Variants in TXNDC5 observed in about 807,000 individuals in gnomAD.
The protein encoded by TXNDC5 is thioredoxin domain containing 5, also known as thioredoxin domain-containing protein 5.
TXNDC5 carries 44 observed loss-of-function variants against 52.6 expected under a neutral mutation model. That is an observed-to-expected ratio of 0.84 (90% CI 0.66 to 1.08). The LOEUF is 1.08. Among genes scored for constraint, TXNDC5 ranks in the 50% least tolerant of loss-of-function variants. TXNDC5 has a pLI of 0.00. For synonymous variants in TXNDC5, 241 were observed against 234.4 expected (o/e 1.03, Z -0.26); for missense variants, 600 against 565.5 (o/e 1.06, Z -0.62).
rs1759963731 is a variant in TXNDC5, at chr6:7,886,004, T to G, written c.1003A>C (p.Thr335Pro). Residue 335 changes from threonine (T) to proline (P), a missense_variant, in exon 8 of 10, where the codon ACC becomes CCC. Thr to Pro is a conservative substitution (Grantham distance 38). Transcript: ENST00000379757. Reference sequence around the variant, plus strand: ...ATGAAGGTTATTCCTTCTGCAATGGTGTCATCGAAGTTATTTTCAGTGAGT... The same window carrying G: ...ATGAAGGTTATTCCTTCTGCAATGGGGTCATCGAAGTTATTTTCAGTGAGT... ...LALTENNFDDTIAEGITFIKF... is the reference protein window; with the variant it reads ...LALTENNFDDPIAEGITFIKF... 2 of 1,614,054 alleles carry G rather than the reference T, an allele frequency of 1.2e-6. No homozygotes were observed. Among genetic ancestry groups the G allele is most frequent in the Non-Finnish European group, 1.7e-6 (2 of 1,180,042 alleles).
At chr6:7,889,634 G>C (rs1042522414) in intron 5 of TXNDC5, 53 bp from the exon 6 acceptor site, 5 of 1,370,858 alleles carry the variant, frequency 3.6e-6, no homozygotes, top group Non-Finnish European at 5.2e-6. Context: ...GAACCTTCTT[G>C]CTAATGGGGC....
At position 7,904,606 on chromosome 6, in the gene TXNDC5, C is replaced by T; in HGVS notation, c.381G>A (p.Val127=). 1 of 1,614,250 alleles carries T rather than the reference C, an allele frequency of 6.2e-7. No individual in the cohort carries two copies. ...ATCCTCGCACCCCCTGGGCGGAGCA[C>T]ACGTCGGAGTGGGCCGTGCAGTCCA... ...AKVDCTAHSD[V]CSAQGVRGYP... is the part of the protein sequence containing the mutation. The change falls in exon 2 of 10, where the codon GTG becomes GTA. Residue 127 remains valine, a synonymous_variant. Coordinates refer to ENST00000379757, the MANE Select transcript of TXNDC5 (RefSeq NM_030810.5).
intron 3 of TXNDC5, among the ~76,000 whole-genome samples, chr6:7,898,811 A>G (rs1760460765): frequency 6.6e-6 from 1 of 152,146 alleles, no homozygotes; most frequent in Non-Finnish European, 1.5e-5. Flanking sequence ...TCCAACATCA[A>G]CTGGGGAGGG....
chr6:7,881,763 TCAGA>T lies in TXNDC5; in HGVS notation c.*1377_*1380del, dbSNP rs1163753496. 6.6e-6 allele frequency: 1 copy of T among 152,218 alleles called. No individual in the cohort carries two copies. Among genetic ancestry groups the T allele is most frequent in the East Asian group, 1.9e-4 (1 of 5,206 alleles). The allele number at this position is 152,218 out of a possible 1,614,324, so 9.4% of individuals were successfully genotyped here. A position where few individuals can be genotyped will look rare whatever the true frequency, so the allele number is the denominator to read the frequency against. On this transcript the variant is annotated 3_prime_UTR_variant, in exon 10 of 10. Coordinates refer to ENST00000379757, the MANE Select transcript of TXNDC5 (RefSeq NM_030810.5). ...CGAGATGCTGCTGTTATCTTCTGCC[TCAGA>T]CAGACAGTATAAGTGGTCTTGTTTC...
chr6:7,905,036 C>G (rs112362714), intron 1 of TXNDC5, among the ~76,000 whole-genome samples: 1 of 152,204 alleles, frequency 6.6e-6, no homozygotes, highest in Non-Finnish European at 1.5e-5. Context: ...CCCTCCTTCC[C>G]TTGTGGCCTA....
chr6:7,891,603 A>G lies in TXNDC5; in HGVS notation c.732+18T>C. ...CCCAAAGCAGTCCATTTCCAGTTTA[A>G]TAAGGGCTTTCACTCACCTTGCCAA... is the stretch of plus-strand genomic sequence containing the variant. On this transcript the variant is annotated intron_variant, in intron 5 of 9. Transcript: ENST00000379757. The G allele has an allele frequency of 1.9e-6, 3 of 1,605,964 alleles. No individual in the cohort carries two copies. Among genetic ancestry groups the G allele is most frequent in the African/African-American group, 1.3e-5 (1 of 74,886 alleles).
At chr6:7,886,975 G>A (rs1338565845) in intron 7 of TXNDC5, among the ~76,000 whole-genome samples, 1 of 152,192 alleles carries the variant, frequency 6.6e-6, no homozygotes, top group African/African-American at 2.4e-5. Flanking sequence ...GTGCTGCGAT[G>A]AAAACATCCG....
chr6:7,904,534 G>A (rs1760672977), intron 2 of TXNDC5, 40 bp downstream of exon 2: 7 of 1,603,640 alleles, frequency 4.4e-6, no homozygotes, highest in African/African-American at 2.7e-5. Flanking sequence ...TTTGTAGCCA[G>A]GAGCCACCTA....
intron 1 of TXNDC5, among the ~76,000 whole-genome samples, chr6:7,908,281 CAAAAAA>C (rs57783770): frequency 3.2e-5 from 2 of 62,780 alleles, no homozygotes; most frequent in East Asian, 8.9e-4. Flanking sequence ...GACTCCATCT[CAAAAAA>C]AAAAAAAAAA....
At position 7,884,218 on chromosome 6, in the gene TXNDC5, CCAAA is replaced by C. The variant is rs140130818; in HGVS notation, c.1176+137_1176+140del. The C allele has an allele frequency of 4.3e-3, 5,021 of 1,171,756 alleles. 141 individuals carry two copies. In the African/African-American group the frequency reaches 0.064, roughly 15 times the overall value. 72.6% of individuals were successfully genotyped at this position (1,171,756 alleles called of 1,614,324 possible). A position where few individuals can be genotyped will look rare whatever the true frequency, so the allele number is the denominator to read the frequency against. On this transcript the variant is annotated intron_variant, in intron 9 of 9. Coordinates refer to ENST00000379757, the MANE Select transcript of TXNDC5 (RefSeq NM_030810.5). Reference sequence around the variant, plus strand: ...TTGAGAGAGGATCTCTTTTGCTTCTCCAAACAAACAACTCAAAGGGACATAAAAA... The same window carrying C: ...TTGAGAGAGGATCTCTTTTGCTTCTCCAAACAACTCAAAGGGACATAAAAA...
chr6:7,903,939 AG>A (rs1384588966), intron 2 of TXNDC5, among the ~76,000 whole-genome samples: 1 of 152,212 alleles, frequency 6.6e-6, no homozygotes, highest in African/African-American at 2.4e-5. Context: ...CTGTGCAAAC[AG>A]AGATACAGGC....
chr6:7,885,622 T>C (rs1053330503), intron 8 of TXNDC5, among the ~76,000 whole-genome samples: 2 of 152,240 alleles, frequency 1.3e-5, no homozygotes, highest in Admixed American at 6.5e-5. Context: ...AGCCATCTAT[T>C]TGGAAAAGTG....
chr6:7,893,600 G>A (rs1760271360), intron 4 of TXNDC5, among the ~76,000 whole-genome samples: 1 of 152,240 alleles, frequency 6.6e-6, no homozygotes, highest in East Asian at 1.9e-4. Context: ...AACACACCCT[G>A]CTCAGAGCCC....
intron 2 of TXNDC5, chr6:7,900,174 A>G (rs1760515048): frequency 6.6e-6 from 1 of 152,428 alleles, no homozygotes; most frequent in Admixed American, 6.5e-5. Flanking sequence ...TTCCAGCTAT[A>G]AGAACATCCT....
intron 1 of TXNDC5, chr6:7,910,003 A>C (rs1760861582): frequency 3.0e-6 from 3 of 985,590 alleles, no homozygotes; most frequent in Non-Finnish European, 3.6e-6. Flanking sequence ...TGACATTTGG[A>C]CTCCCGGCTG....
chr6:7,908,247 C>A (rs1285619046), intron 1 of TXNDC5, among the ~76,000 whole-genome samples: 1 of 138,676 alleles, frequency 7.2e-6, no homozygotes, highest in African/African-American at 2.7e-5. Flanking sequence ...TGCGCTACTG[C>A]ACTCCAGCCT....
At chr6:7,889,269 G>T (rs918012854) in intron 6 of TXNDC5, 2 of 525,364 alleles carry the variant, frequency 3.8e-6, no homozygotes, top group Non-Finnish European at 6.8e-6. Context: ...TAAGATGTGG[G>T]TTATTCTAGT....
At chr6:7,897,210 C>T (rs1760401479) in intron 3 of TXNDC5, among the ~76,000 whole-genome samples, 1 of 151,978 alleles carries the variant, frequency 6.6e-6, no homozygotes. Context: ...TGAGATGAAA[C>T]ATGTTTGTAT....
intron 7 of TXNDC5, among the ~76,000 whole-genome samples, chr6:7,887,036 C>T (rs1760006447): frequency 6.6e-6 from 1 of 152,214 alleles, no homozygotes; most frequent in African/African-American, 2.4e-5. Flanking sequence ...CACCATGACA[C>T]ATACACTCCT....
Sources: allele counts gnomAD v4.1 joint callset (sites outside exome capture counted in the v4.1 genomes callset), GRCh38; gene constraint gnomAD v4.1.1; transcripts MANE v1.5; gene names NCBI Gene and HGNC (gene_info 2026-07-23, HGNC 2026-07-21).